Variants in ATP13A3 observed in about 807,000 individuals in gnomAD.
The protein encoded by ATP13A3 is ATPase 13A3, also known as polyamine-transporting ATPase 13A3.
In ATP13A3, 59 loss-of-function variants were observed where a neutral mutation model predicts 158.1. The ratio of observed to expected loss-of-function variants is 0.37; its 90% CI spans 0.30 to 0.46. The LOEUF is 0.46. Ranked by LOEUF, ATP13A3 falls within the 20% of genes least tolerant of loss-of-function variation. The pLI is 1.00. For missense variants in ATP13A3, 1,166 were observed against 1,525.2 expected, an observed-to-expected ratio of 0.76 and a Z score of 3.92; for synonymous variants, 491 against 504.3, an observed-to-expected ratio of 0.97 and a Z score of 0.35.
At chr3:194,462,755 TAAG>T (rs1416143135) in intron 2 of ATP13A3, among the ~76,000 whole-genome samples, 1 of 152,240 alleles carries the variant, frequency 6.6e-6, no homozygotes, top group African/African-American at 2.4e-5. Flanking sequence ...AGATGACCCT[TAAG>T]TAGTTTCTAA....
chr3:194,468,394 A>AAAAAAAACAT (rs1553807514), intron 2 of ATP13A3, among the ~76,000 whole-genome samples: 1 of 150,088 alleles, frequency 6.7e-6, no homozygotes, highest in African/African-American at 2.5e-5. Context: ...TTTAAAAAAA[A>AAAAAAAACAT]AAAAAAAAAA....
chr3:194,406,030 C>T lies in ATP13A3; in HGVS notation c.3660G>A (p.Leu1220=), dbSNP rs763513790. 1.9e-6 allele frequency: 3 copies of T among 1,614,180 alleles called. No homozygotes were observed. Among genetic ancestry groups the T allele is most frequent in the South Asian group, 2.2e-5 (2 of 91,082 alleles). Reference sequence around the variant, plus strand: ...CTGGATCAACCAAGAGCTCCTGCGCCAGATACATGTACTTTGCCTTTGGTG... The same window carrying T: ...CTGGATCAACCAAGAGCTCCTGCGCTAGATACATGTACTTTGCCTTTGGTG... ...KKTPKAKYMY[L]AQELLVDPEW... is the part of the protein sequence containing the mutation. The change falls in exon 34 of 34, where the codon CTG becomes CTA. Residue 1220 remains leucine (L), a synonymous_variant. Transcript: ENST00000645319.
Position 194,419,939 on chromosome 3 carries a change from T to C in ATP13A3, c.3342A>G (p.Leu1114=). Residue 1114 remains leucine, a synonymous_variant, in exon 31 of 34, where the codon TTA becomes TTG. Transcript: ENST00000645319. The part of the protein sequence containing the change: ...NYFFVFSVIF[L]YIFILFIMLY... ...ACATGATGAATAATATAAAAATATA[T>C]AAAAAAATCACAGAAAAAACAAAAA... is the stretch of plus-strand genomic sequence containing the variant. 1 of 1,532,508 alleles carries C rather than the reference T, an allele frequency of 6.5e-7. No homozygotes were observed. Among genetic ancestry groups the C allele is most frequent in the Non-Finnish European group, 8.7e-7 (1 of 1,149,608 alleles). The allele number at this position is 1,532,508 out of a possible 1,614,324, so 94.9% of individuals were successfully genotyped here.
chr3:194,468,020 A>T (rs1316542857), intron 2 of ATP13A3: 1 of 152,204 alleles, frequency 6.6e-6, no homozygotes, highest in Admixed American at 6.5e-5. Flanking sequence ...TGATATTTGC[A>T]CAGCTTTCAA....
In ATP13A3 at chr3:194,447,156, A is replaced by G. The variant is rs771491339; in HGVS notation, c.1309-41T>C. ...AAATAAATGTCAAATCCCCAGTATT[A>G]TTTACGGATTTAATATGGGTATTTC... On this transcript the variant is annotated intron_variant, in intron 13 of 33. Transcript: ENST00000645319. 2.6e-6 allele frequency: 4 copies of G among 1,511,084 alleles called. No homozygotes were observed. In the Admixed American group the frequency reaches 8.2e-5, roughly 31 times the overall value. The allele number at this position is 1,511,084 out of a possible 1,614,324, so 93.6% of individuals were successfully genotyped here.
At chr3:194,449,291 A>T (rs1341512699) in intron 11 of ATP13A3, among the ~76,000 whole-genome samples, 2 of 152,184 alleles carry the variant, frequency 1.3e-5, no homozygotes, top group Non-Finnish European at 2.9e-5. Flanking sequence ...TGTGTGTTTT[A>T]AGACACGACT....
In ATP13A3 at chr3:194,433,766, T is replaced by G; in HGVS notation, c.2245+6A>C. The stretch of plus-strand genomic sequence containing the variant: ...TTTGCTTCTGTGTTCTTTTATAAAG[T>G]CTAACCTGTGACCATGACGGTGCGA... On this transcript the variant is annotated splice_donor_region_variant and intron_variant, in intron 21 of 33. Transcript: ENST00000645319. The G allele has an allele frequency of 6.2e-7, 1 of 1,613,982 alleles. No homozygotes were observed. The highest frequency in any genetic ancestry group is 1.1e-5 in the South Asian group (1 of 91,058).
chr3:194,457,195 TA>T (rs754923530), intron 6 of ATP13A3, 21 bp from the exon 7 acceptor site: 3 of 1,581,494 alleles, frequency 1.9e-6, no homozygotes. Flanking sequence ...CCAAAGTTTT[TA>T]CTTTAAACAA....
rs1197097228 is a variant in ATP13A3, at chr3:194,448,554, T to G, written c.1053A>C (p.Pro351=). The change falls in exon 12 of 34, where the codon CCA becomes CCC. Residue 351 remains proline, a synonymous_variant. Transcript: ENST00000645319. This position sits in a 1 kb window ranked among gnomAD's most constrained non-coding sequence, Gnocchi z 4.0. ...ACAAAGTATGTCGTTTATGTGTTTC[T>G]GGATTATATAATTCATCTCCTATTC... ...VKGIGDELYN[P]ETHKRHTLFC... is the part of the protein sequence containing the mutation. 1 of 1,614,092 alleles carries G rather than the reference T, an allele frequency of 6.2e-7. No homozygotes were observed. The highest frequency in any genetic ancestry group is 1.1e-5 in the South Asian group (1 of 91,080).
At position 194,437,202 on chromosome 3, in the gene ATP13A3, A is replaced by G. The variant is rs760058153; in HGVS notation, c.2013T>C (p.Phe671=). 2 of 1,614,104 alleles carry G rather than the reference A, an allele frequency of 1.2e-6. No homozygotes were observed. Among genetic ancestry groups the G allele is most frequent in the Non-Finnish European group, 1.7e-6 (2 of 1,179,998 alleles). ...LCKPETVPVD[F]QNVLEDFTKQ... ...TAGTGAAGTCTTCCAAAACGTTTTG[A>G]AAATCGACAGGAACTTTTTAAAAGA... Residue 671 remains phenylalanine (F), a synonymous_variant, in exon 20 of 34, where the codon TTT becomes TTC. Transcript: ENST00000645319.
intron 27 of ATP13A3, 72 bp from the exon 28 acceptor site, chr3:194,428,989 T>C (rs1392842121): frequency 3.9e-6 from 4 of 1,038,308 alleles, no homozygotes; most frequent in East Asian, 2.7e-5. Flanking sequence ...GTTTTATTAA[T>C]AGTTTGGATT....
At chr3:194,415,055 G>A (rs1269709967) in intron 31 of ATP13A3, among the ~76,000 whole-genome samples, 1 of 152,180 alleles carries the variant, frequency 6.6e-6, no homozygotes. Flanking sequence ...TTAAGGAATG[G>A]GCAGAGGGAG....
chr3:194,462,337 C>A, intron 2 of ATP13A3, 101 bp from the exon 3 acceptor site: 1 of 750,410 alleles, frequency 1.3e-6, no homozygotes, highest in South Asian at 1.8e-5. Flanking sequence ...GGGTCCCCAA[C>A]CCCTGGGTCA....
intron 20 of ATP13A3, among the ~76,000 whole-genome samples, chr3:194,436,085 G>C (rs1031199632): frequency 2.0e-5 from 3 of 151,968 alleles, no homozygotes; most frequent in African/African-American, 7.3e-5. Flanking sequence ...TGTGGTTCCC[G>C]ACATGCATAT....
intron 2 of ATP13A3, among the ~76,000 whole-genome samples, chr3:194,469,270 C>T (rs1247899271): frequency 6.6e-6 from 1 of 151,986 alleles, no homozygotes; most frequent in African/African-American, 2.4e-5. Flanking sequence ...CCAGTCCAGC[C>T]AACATAGTGA....
intron 2 of ATP13A3, among the ~76,000 whole-genome samples, chr3:194,483,924 T>C (rs1022035868): frequency 6.6e-6 from 1 of 152,132 alleles, no homozygotes; most frequent in Non-Finnish European, 1.5e-5. Flanking sequence ...GTACAACATA[T>C]CTAAGAGTTA....
At chr3:194,452,247 C>T (rs1032476) in intron 10 of ATP13A3, 58,327 of 152,070 alleles carry the variant, frequency 0.38, 15,520 homozygotes, top group African/African-American at 0.76. Context: ...TCCCAGCACT[C>T]TGGAAGGCCA....
At chr3:194,430,228 G>T (rs1385846414) in intron 25 of ATP13A3, 45 bp downstream of exon 25, 6 of 1,613,140 alleles carry the variant, frequency 3.7e-6, no homozygotes, top group Non-Finnish European at 4.2e-6. Context: ...TATGATTTAG[G>T]CTAGAGTAAG....
intron 30 of ATP13A3, among the ~76,000 whole-genome samples, chr3:194,422,986 A>T (rs1401709841): frequency 6.6e-6 from 1 of 151,178 alleles, no homozygotes; most frequent in East Asian, 1.9e-4. Context: ...AATAGGAAAG[A>T]CCCTGGCAAT....
Sources: gnomAD v4.1 joint callset for allele counts (sites outside exome capture counted in the v4.1 genomes callset) on GRCh38, gnomAD v4.1.1 for gene constraint, Gnocchi (gnomAD v3.1) non-coding constraint, MANE v1.5 for transcripts, NCBI Gene and HGNC (gene_info 2026-07-23, HGNC 2026-07-21) for gene names.